The following NR2F2 variants were observed in gnomAD, a reference collection of about 807,000 sequenced individuals.
NR2F2 encodes COUP transcription factor 2.
NR2F2 carries 2 observed loss-of-function variants against 34.8 expected under a neutral mutation model. That is an observed-to-expected ratio of 0.06 (90% confidence interval 0.02 to 0.18). The LOEUF is 0.18. NR2F2 is among the 10% of genes least tolerant of loss of function. The probability of loss-of-function intolerance (pLI) is 1.00; values close to 1 mark genes in which losing one functional copy is unlikely to be tolerated. For missense variants in NR2F2, 300 were observed against 580.1 expected (o/e 0.52, Z 4.96); for synonymous variants, 274 against 251.8 (o/e 1.09, Z -0.84).
rs1899464222 is a variant in NR2F2 at position 96,340,219 on chromosome 15, T to G, written c.*2597T>G. ...TAAACAGCCATTTGTTGTAAATTAT[T>G]ATTGGCATTAAATTATAATTTATGA... is the stretch of plus-strand genomic sequence containing the variant. On this transcript the variant is annotated 3_prime_UTR_variant, in exon 3 of 3. Transcript: ENST00000394166. 6.6e-6 allele frequency: 1 copy of G among 152,346 alleles called. No individual in the cohort carries two copies. Among genetic ancestry groups the G allele is most frequent in the African/African-American group, 2.4e-5 (1 of 41,564 alleles). The allele number at this position is 152,346 out of a possible 1,614,324, so 9.4% of individuals were successfully genotyped here.
rs1596436070 is a variant in NR2F2, at chr15:96,340,082, G to A, written c.*2460G>A. ...CTGACCTTTAGTTCGAGGTTTTGTCGGTTGTTGTTGATTTTCTTCCTCTTG... is the reference window on the plus strand; with the variant it reads ...CTGACCTTTAGTTCGAGGTTTTGTCAGTTGTTGTTGATTTTCTTCCTCTTG... On this transcript the variant is annotated 3_prime_UTR_variant, in exon 3 of 3. Transcript: ENST00000394166. 3.3e-5 allele frequency: 5 copies of A among 152,184 alleles called. No homozygotes were observed. In the South Asian group the frequency reaches 1.0e-3, roughly 32 times the overall value. The allele number at this position is 152,184 out of a possible 1,614,324, so 9.4% of individuals were successfully genotyped here.
In NR2F2 at chr15:96,331,483, C is replaced by T; in HGVS notation, c.-623C>T. 8.1e-7 allele frequency: 1 copy of T among 1,231,046 alleles called. No individual in the cohort carries two copies. The highest frequency in any genetic ancestry group is 1.0e-6 in the Non-Finnish European group (1 of 987,748). 76.3% of individuals were successfully genotyped at this position (1,231,046 alleles called of 1,614,324 possible). A position where few individuals can be genotyped will look rare whatever the true frequency, so the allele number is the denominator to read the frequency against. On this transcript the variant is annotated 5_prime_UTR_variant, in exon 1 of 3. Transcript: ENST00000394166. ...TAGTCCTCCTGATTTCGATGGCTTT[C>T]CTGAATGGCTGACTGTGGGCTGCCC... is the stretch of plus-strand genomic sequence containing the variant.
At position 96,332,048 on chromosome 15, in the gene NR2F2, CG is replaced by C; in HGVS notation, c.-57del. 1 of 1,255,452 alleles carries C rather than the reference CG, an allele frequency of 8.0e-7. No homozygotes were observed. Among genetic ancestry groups the C allele is most frequent in the South Asian group, 3.0e-5 (1 of 32,980 alleles). 77.8% of individuals were successfully genotyped at this position (1,255,452 alleles called of 1,614,324 possible). A position where few individuals can be genotyped will look rare whatever the true frequency, so the allele number is the denominator to read the frequency against. ...AGCCCGAGACCCGGGGAGCCGCCGC[CG>C]CCCCGCCGCCGCCCGCAGCCAGGGG... On this transcript the variant is annotated 5_prime_UTR_variant, in exon 1 of 3. Coordinates refer to ENST00000394166, the MANE Select transcript of NR2F2 (RefSeq NM_021005.4).
At chr15:96,337,255 T>C in intron 2 of NR2F2, 93 bp from the exon 3 acceptor site, 1 of 1,340,568 alleles carries the variant, frequency 7.5e-7, no homozygotes, top group Non-Finnish European at 1.0e-6. Flanking sequence ...TGTGACCCAA[T>C]TCAAACCTCT....
At chr15:96,329,951 A>T (rs1266692419), upstream of NR2F2, among the ~76,000 whole-genome samples, 3 of 152,230 alleles carry the variant, frequency 2.0e-5, no homozygotes, top group Non-Finnish European at 2.9e-5. Context: ...AAACAGAAAC[A>T]GAACGGCCTT....
Position 96,331,910 on chromosome 15 carries a change from GCAAAAA to G in NR2F2, c.-189_-184del, listed in dbSNP as rs1484114433. 7 of 1,207,750 alleles carry G rather than the reference GCAAAAA, an allele frequency of 5.8e-6. No individual in the cohort carries two copies. The highest frequency in any genetic ancestry group is 7.2e-6 in the Non-Finnish European group (7 of 973,300). 74.8% of individuals were successfully genotyped at this position (1,207,750 alleles called of 1,614,324 possible). A position where few individuals can be genotyped will look rare whatever the true frequency, so the allele number is the denominator to read the frequency against. Reference sequence around the variant, plus strand: ...AAGCCATCGACAAAACTTTGCAAAAGCAAAAACAAAAAAGGAAAAACTAACCAACCT... The same window carrying G: ...AAGCCATCGACAAAACTTTGCAAAAGCAAAAAAGGAAAAACTAACCAACCT... On this transcript the variant is annotated 5_prime_UTR_variant, in exon 1 of 3. Coordinates refer to ENST00000394166, the MANE Select transcript of NR2F2 (RefSeq NM_021005.4).
At chr15:96,330,360 G>A (rs933628141), upstream of NR2F2, among the ~76,000 whole-genome samples, 2 of 151,764 alleles carry the variant, frequency 1.3e-5, no homozygotes, top group African/African-American at 4.8e-5. Context: ...GGGGAGAGCA[G>A]AGGCAGCGCT....
intron 2 of NR2F2, among the ~76,000 whole-genome samples, chr15:96,335,536 A>G (rs986913397): frequency 6.6e-6 from 1 of 152,062 alleles, no homozygotes; most frequent in African/African-American, 2.4e-5. Context: ...GAAATCACCA[A>G]CCCCCTTTCA....
chr15:96,333,387 C>G lies in NR2F2; in HGVS notation c.443-689C>G, dbSNP rs1479310543. 5 of 1,001,766 alleles carry G rather than the reference C, an allele frequency of 5.0e-6. No homozygotes were observed. The African/African-American group carries it at 8.7e-5, about 17-fold the overall frequency. The allele number at this position is 1,001,766 out of a possible 1,614,324, so 62.1% of individuals were successfully genotyped here. A position where few individuals can be genotyped will look rare whatever the true frequency, so the allele number is the denominator to read the frequency against. Reference sequence around the variant, plus strand: ...TGGGCCCGAGCCTCGCCGGCTTTCCCCGGCCCTTACAGGCCCTGCCCAGGC... The same window carrying G: ...TGGGCCCGAGCCTCGCCGGCTTTCCGCGGCCCTTACAGGCCCTGCCCAGGC... On this transcript the variant is annotated intron_variant, in intron 1 of 2. Transcript: ENST00000394166.
chr15:96,331,541 C>T lies in NR2F2; in HGVS notation c.-565C>T. 2.4e-6 allele frequency: 3 copies of T among 1,228,942 alleles called. No homozygotes were observed. Among genetic ancestry groups the T allele is most frequent in the Non-Finnish European group, 3.0e-6 (3 of 986,814 alleles). 76.1% of individuals were successfully genotyped at this position (1,228,942 alleles called of 1,614,324 possible). A position where few individuals can be genotyped will look rare whatever the true frequency, so the allele number is the denominator to read the frequency against. ...GGCCCCCGGACAGTCGCCTCTCCTC[C>T]TCCTCTACCTCCTCCTTCACCACCA... On this transcript the variant is annotated 5_prime_UTR_variant, in exon 1 of 3. Transcript: ENST00000394166.
chr15:96,332,753 C>T, intron 1 of NR2F2: 1 of 1,173,388 alleles, frequency 8.5e-7, no homozygotes, highest in Non-Finnish European at 1.2e-6. Flanking sequence ...CTTCTTTACT[C>T]TCTCTTTGGG....
rs943251722 is a variant in NR2F2 at position 96,338,979 on chromosome 15, G to A, written c.*1357G>A. On this transcript the variant is annotated 3_prime_UTR_variant, in exon 3 of 3. Coordinates refer to ENST00000394166, the MANE Select transcript of NR2F2 (RefSeq NM_021005.4). Reference sequence around the variant, plus strand: ...TTGCCTGTTTAATTTGGGTGTGTGTGTGTTGGGGGGGGAGCTGAAGTTAAT... The same window carrying A: ...TTGCCTGTTTAATTTGGGTGTGTGTATGTTGGGGGGGGAGCTGAAGTTAAT... 7.6e-5 allele frequency: 11 copies of A among 145,014 alleles called. No individual in the cohort carries two copies. The highest frequency in any genetic ancestry group is 2.8e-4 in the African/African-American group (11 of 39,200). The allele number at this position is 145,014 out of a possible 1,614,324, so 9.0% of individuals were successfully genotyped here.
chr15:96,334,432 G>T lies in NR2F2; in HGVS notation c.799G>T (p.Ala267Ser). ...AAQCSMPLHV[A>S]PLLAAAGLHA... ...GCAGTGCTCCATGCCCCTCCACGTC[G>T]CCCCGCTCCTGGCCGCCGCCGGCCT... Residue 267 changes from alanine (A) to serine (S), a missense_variant, in exon 2 of 3, where the codon GCC becomes TCC. Around this residue, in one of 6 missense-constraint regions of NR2F2, gnomAD observed 164 missense variants for 365.3 expected, o/e 0.45. Transcript: ENST00000394166. 1 of 1,613,838 alleles carries T rather than the reference G, an allele frequency of 6.2e-7. No individual in the cohort carries two copies. Among genetic ancestry groups the T allele is most frequent in the East Asian group, 2.2e-5 (1 of 44,852 alleles).
chr15:96,326,190 T>C, upstream of NR2F2: 1 of 856,070 alleles, frequency 1.2e-6, no homozygotes, highest in Admixed American at 1.9e-5. The surrounding 1 kb of genome is among the most constrained non-coding windows in gnomAD (Gnocchi z 5.5). Flanking sequence ...CACAATCGCT[T>C]AGATAAACAC....
At position 96,331,587 on chromosome 15, in the gene NR2F2, T is replaced by C. The variant is rs1210495705; in HGVS notation, c.-519T>C. On this transcript the variant is annotated 5_prime_UTR_variant, in exon 1 of 3. Coordinates refer to ENST00000394166, the MANE Select transcript of NR2F2 (RefSeq NM_021005.4). The stretch of plus-strand genomic sequence containing the variant: ...CACCACCTCCTCTTCCTCCTCCTCC[T>C]CCTCCTCCTCCTCCGCCAACTCCTC... 1.6e-5 allele frequency: 20 copies of C among 1,216,286 alleles called. No individual in the cohort carries two copies. Among genetic ancestry groups the C allele is most frequent in the Non-Finnish European group, 1.9e-5 (19 of 977,412 alleles). The allele number at this position is 1,216,286 out of a possible 1,614,324, so 75.3% of individuals were successfully genotyped here. A position where few individuals can be genotyped will look rare whatever the true frequency, so the allele number is the denominator to read the frequency against.
chr15:96,332,047 C>G lies in NR2F2; in HGVS notation c.-59C>G. 1.5e-5 allele frequency: 19 copies of G among 1,254,766 alleles called. No homozygotes were observed. Among genetic ancestry groups the G allele is most frequent in the Non-Finnish European group, 1.9e-5 (19 of 999,104 alleles). 77.7% of individuals were successfully genotyped at this position (1,254,766 alleles called of 1,614,324 possible). A position where few individuals can be genotyped will look rare whatever the true frequency, so the allele number is the denominator to read the frequency against. The stretch of plus-strand genomic sequence containing the variant: ...GAGCCCGAGACCCGGGGAGCCGCCG[C>G]CGCCCCGCCGCCGCCCGCAGCCAGG... On this transcript the variant is annotated 5_prime_UTR_variant, in exon 1 of 3. Transcript: ENST00000394166.
At chr15:96,326,751 T>C (rs940645563), upstream of NR2F2, among the ~76,000 whole-genome samples, 2 of 152,136 alleles carry the variant, frequency 1.3e-5, no homozygotes, top group African/African-American at 4.8e-5. This position sits in a 1 kb window ranked among gnomAD's most constrained non-coding sequence, Gnocchi z 5.5. Context: ...TGACTCGGTT[T>C]TCTAGCAAAG....
At chr15:96,329,232 G>A (rs1899066435), upstream of NR2F2, among the ~76,000 whole-genome samples, 1 of 152,102 alleles carries the variant, frequency 6.6e-6, no homozygotes, top group Admixed American at 6.6e-5. Flanking sequence ...TTGTATAAAT[G>A]TGGAATAATG....
chr15:96,331,274 C>G lies in NR2F2; in HGVS notation c.-832C>G. On this transcript the variant is annotated 5_prime_UTR_variant, in exon 1 of 3. Coordinates refer to ENST00000394166, the MANE Select transcript of NR2F2 (RefSeq NM_021005.4). ...AGAGAGCGAGGCGCGCGCCGGACGC[C>G]CGGGGCAGGCGGCGGCGGCGGCGGC... The G allele has an allele frequency of 9.9e-7, 1 of 1,012,546 alleles. No homozygotes were observed. The highest frequency in any genetic ancestry group is 1.2e-6 in the Non-Finnish European group (1 of 849,824). 62.7% of individuals were successfully genotyped at this position (1,012,546 alleles called of 1,614,324 possible). A position where few individuals can be genotyped will look rare whatever the true frequency, so the allele number is the denominator to read the frequency against.
Sources: allele counts gnomAD v4.1 joint callset (sites outside exome capture counted in the v4.1 genomes callset), GRCh38; gene constraint gnomAD v4.1.1; regional missense constraint gnomAD v4.1.1; non-coding constraint Gnocchi (gnomAD v3.1); transcripts MANE v1.5; gene names NCBI Gene and HGNC (gene_info 2026-07-23, HGNC 2026-07-21).